IL1RAPL1: variants seen among roughly 807,000 people sequenced by gnomAD.
IL1RAPL1 encodes interleukin 1 receptor accessory protein like 1.
Under a neutral mutation model 48.4 loss-of-function variants are expected in IL1RAPL1, and 3 were observed. The ratio of observed to expected loss-of-function variants is 0.06; its 90% confidence interval spans 0.03 to 0.16. IL1RAPL1 has a LOEUF of 0.16. Ranked by LOEUF, IL1RAPL1 falls within the 10% of genes least tolerant of loss-of-function variation. The pLI is 1.00. For synonymous variants in IL1RAPL1, 185 were observed against 187.7 expected (o/e 0.99, Z 0.12); for missense variants, 349 against 530.6 (o/e 0.66, Z 3.36).
intron 2 of IL1RAPL1, among the ~76,000 whole-genome samples, chrX:28,873,595 A>T (rs746823273): frequency 1.1e-5 from 1 of 88,307 alleles, no homozygotes; most frequent in Non-Finnish European, 2.1e-5. Flanking sequence ...GCAGTGGCTC[A>T]ATCTCGGCTC....
chrX:29,193,086 A>C (rs921544872), intron 2 of IL1RAPL1, among the ~76,000 whole-genome samples: 3 of 110,953 alleles, frequency 2.7e-5, no homozygotes, highest in African/African-American at 9.8e-5. Flanking sequence ...AATATAGCTA[A>C]AAGTTGAGTG....
At position 29,597,398 on chromosome X, in the gene IL1RAPL1, C is replaced by A. The variant is rs767788048; in HGVS notation, c.704-71032C>A. Among the ~76,000 whole-genome samples, 32 of 111,242 alleles carry A rather than the reference C, an allele frequency of 2.9e-4. 1 individual carries two copies. The highest frequency in any genetic ancestry group is 9.8e-4 in the African/African-American group (30 of 30,696). On this transcript the variant is annotated intron_variant, in intron 5 of 10. Transcript: ENST00000378993. Reference sequence around the variant, plus strand: ...AAACTCCCAGCCTCAGGTGATCCACCCGCCTCGGCCTCTCAAAGTGCTGGG... The same window carrying A: ...AAACTCCCAGCCTCAGGTGATCCACACGCCTCGGCCTCTCAAAGTGCTGGG...
chrX:29,015,435 A>G (rs887432946), intron 2 of IL1RAPL1, among the ~76,000 whole-genome samples: 1 of 111,384 alleles, frequency 9.0e-6, no homozygotes, highest in Non-Finnish European at 1.9e-5. Flanking sequence ...TAAAATTTGA[A>G]TTATACAGAT....
At chrX:29,704,002 G>A (rs977044262) in intron 6 of IL1RAPL1, among the ~76,000 whole-genome samples, 1 of 111,226 alleles carries the variant, frequency 9.0e-6, no homozygotes, top group South Asian at 3.8e-4. Context: ...AGCTTACTGC[G>A]ACTTCAAACT....
chrX:29,482,394 G>A (rs1360638304), intron 5 of IL1RAPL1, among the ~76,000 whole-genome samples: 1 of 111,802 alleles, frequency 8.9e-6, no homozygotes, highest in Non-Finnish European at 1.9e-5. Flanking sequence ...TGATACTGGT[G>A]TTTACTAATC....
intron 6 of IL1RAPL1, among the ~76,000 whole-genome samples, chrX:29,832,436 G>A (rs902765093): frequency 1.8e-5 from 2 of 111,357 alleles, no homozygotes; most frequent in South Asian, 3.8e-4. Context: ...GGTGTGAGTC[G>A]GGAATTAGAG....
intron 3 of IL1RAPL1, among the ~76,000 whole-genome samples, chrX:29,287,650 T>C (rs989632249): frequency 8.9e-6 from 1 of 112,363 alleles, no homozygotes; most frequent in Admixed American, 9.4e-5. Flanking sequence ...TTCATTTGCA[T>C]TTTCCTAATG....
intron 3 of IL1RAPL1, among the ~76,000 whole-genome samples, chrX:29,381,659 A>C (rs757033583): frequency 9.6e-6 from 1 of 104,559 alleles, no homozygotes; most frequent in African/African-American, 3.5e-5. Flanking sequence ...TACAGAAAGT[A>C]AAAAAACTTA....
chrX:29,801,676 A>C lies in IL1RAPL1; in HGVS notation c.779-115788A>C, dbSNP rs763814960. Among the ~76,000 whole-genome samples, 7 of 112,024 alleles carry C rather than the reference A, an allele frequency of 6.2e-5. No individual in the cohort carries two copies. The East Asian group carries it at 1.1e-3, about 18-fold the overall frequency. ...GCTTTGCAAAATGTTACTAAGTGCT[A>C]GCATTTAGTTTGTGAAATGTTTTAA... On this transcript the variant is annotated intron_variant, in intron 6 of 10. Transcript: ENST00000378993.
At chrX:29,167,361 C>T (rs1440992173) in intron 2 of IL1RAPL1, among the ~76,000 whole-genome samples, 1 of 108,837 alleles carries the variant, frequency 9.2e-6, no homozygotes, top group East Asian at 2.9e-4. Context: ...TTCCTCCTTT[C>T]CTTCTTATTT....
chrX:29,301,686 A>C (rs1932537858), intron 3 of IL1RAPL1, among the ~76,000 whole-genome samples: 1 of 111,936 alleles, frequency 8.9e-6, no homozygotes, highest in African/African-American at 3.2e-5. Flanking sequence ...ACACAGGAAT[A>C]AAAATAGACA....
intron 6 of IL1RAPL1, among the ~76,000 whole-genome samples, chrX:29,726,831 A>G (rs1359646616): frequency 9.0e-6 from 1 of 111,653 alleles, no homozygotes; most frequent in African/African-American, 3.3e-5. Flanking sequence ...AAATAAAAAT[A>G]AAAAAAGAGA....
intron 6 of IL1RAPL1, among the ~76,000 whole-genome samples, chrX:29,698,507 A>T (rs1322224993): frequency 9.1e-6 from 1 of 109,474 alleles, no homozygotes; most frequent in East Asian, 2.9e-4. Context: ...TGCATGGTAT[A>T]TACCCAGTGG....
chrX:28,976,839 A>C (rs1335933351), intron 2 of IL1RAPL1, among the ~76,000 whole-genome samples: 1 of 111,937 alleles, frequency 8.9e-6, no homozygotes, highest in Non-Finnish European at 1.9e-5. Flanking sequence ...GTTAGGGATC[A>C]CTGGCAAACT....
chrX:29,863,843 G>A (rs915879929), intron 6 of IL1RAPL1, among the ~76,000 whole-genome samples: 9 of 110,375 alleles, frequency 8.2e-5, no homozygotes, highest in African/African-American at 3.0e-4. Context: ...CTAGAGTGCA[G>A]TGGCACAATC....
At chrX:29,552,253 A>G (rs1430766114) in intron 5 of IL1RAPL1, among the ~76,000 whole-genome samples, 11 of 111,760 alleles carry the variant, frequency 9.8e-5, no homozygotes. Flanking sequence ...TGCCATGCAC[A>G]TTAAAATACA....
intron 5 of IL1RAPL1, among the ~76,000 whole-genome samples, chrX:29,571,897 G>T (rs1463686245): frequency 9.0e-6 from 1 of 111,622 alleles, no homozygotes; most frequent in African/African-American, 3.3e-5. Flanking sequence ...TTGTCCATTA[G>T]TTTATTTAAT....
chrX:28,661,234 T>C (rs1467231867), intron 1 of IL1RAPL1, among the ~76,000 whole-genome samples: 1 of 112,127 alleles, frequency 8.9e-6, no homozygotes, highest in Non-Finnish European at 1.9e-5. Flanking sequence ...CCCATACATA[T>C]GTTCAAGATT....
intron 1 of IL1RAPL1, among the ~76,000 whole-genome samples, chrX:28,682,065 G>T (rs748814776): frequency 9.1e-6 from 1 of 110,399 alleles, no homozygotes; most frequent in Non-Finnish European, 1.9e-5. Context: ...TTCGTGTCTG[G>T]CTTCTTTCAC....
Sources: gnomAD v4.1 joint callset for allele counts (sites outside exome capture counted in the v4.1 genomes callset) on GRCh38, gnomAD v4.1.1 for gene constraint, MANE v1.5 for transcripts, NCBI Gene and HGNC (gene_info 2026-07-23, HGNC 2026-07-21) for gene names.